PLCB4: variants seen among roughly 807,000 people sequenced by gnomAD.
The protein encoded by PLCB4 is 1-phosphatidylinositol 4,5-bisphosphate phosphodiesterase beta-4.
In PLCB4, 77 loss-of-function variants were observed where a neutral mutation model predicts 178.8. That is an observed-to-expected ratio of 0.43 (90% CI 0.36 to 0.52). The LOEUF (loss-of-function observed/expected upper bound fraction) is 0.52. PLCB4 is among the 20% of genes least tolerant of loss of function. The probability of loss-of-function intolerance (pLI) is 0.00; values close to 1 mark genes in which losing one functional copy is unlikely to be tolerated. For synonymous variants in PLCB4, 496 were observed against 490.8 expected, an observed-to-expected ratio of 1.01 and a Z score of -0.14; for missense variants, 1,024 against 1,453.4, an observed-to-expected ratio of 0.70 and a Z score of 4.80.
chr20:9,448,880 T>C (rs2042576868), intron 32 of PLCB4, among the ~76,000 whole-genome samples: 2 of 152,082 alleles, frequency 1.3e-5, no homozygotes. Context: ...AAAGGAACAG[T>C]GGGGTGAGTG....
intron 38 of PLCB4, among the ~76,000 whole-genome samples, chr20:9,474,862 C>G (rs1294620932): frequency 6.6e-6 from 1 of 152,170 alleles, no homozygotes; most frequent in African/African-American, 2.4e-5. Context: ...CAAGTCCACT[C>G]CAAGGGGACA....
At chr20:9,096,992 T>C (rs907968577) in intron 2 of PLCB4, among the ~76,000 whole-genome samples, 8 of 152,016 alleles carry the variant, frequency 5.3e-5, no homozygotes, top group African/African-American at 1.7e-4. Context: ...TGGAATGCAG[T>C]GGCGTGATCT....
At chr20:9,157,907 G>A (rs1382434631) in intron 2 of PLCB4, among the ~76,000 whole-genome samples, 1 of 152,140 alleles carries the variant, frequency 6.6e-6, no homozygotes. Context: ...ACTCTAGCCT[G>A]GGCAACAGAG....
intron 2 of PLCB4, among the ~76,000 whole-genome samples, chr20:9,112,303 C>T (rs992530841): frequency 2.0e-5 from 3 of 150,302 alleles, no homozygotes; most frequent in Admixed American, 6.6e-5. Flanking sequence ...TTGCCCAGGC[C>T]GCAGTACAGT....
chr20:9,208,603 G>A (rs963695878), intron 2 of PLCB4, among the ~76,000 whole-genome samples: 2 of 151,574 alleles, frequency 1.3e-5, no homozygotes, highest in East Asian at 1.9e-4. Flanking sequence ...GCAGTGGTAC[G>A]ATCACAGCTC....
At chr20:9,179,928 C>G (rs1161452957) in intron 2 of PLCB4, among the ~76,000 whole-genome samples, 1 of 152,138 alleles carries the variant, frequency 6.6e-6, no homozygotes. Context: ...CCATAAAATT[C>G]CTTCTCTGGT....
chr20:9,386,643 A>AT (rs2037687003), intron 14 of PLCB4, among the ~76,000 whole-genome samples: 1 of 151,972 alleles, frequency 6.6e-6, no homozygotes, highest in South Asian at 2.1e-4. Flanking sequence ...ATTAAAAGTA[A>AT]TTTTTTTAAT....
chr20:9,358,174 A>G (rs2035006491), intron 7 of PLCB4, among the ~76,000 whole-genome samples: 1 of 152,242 alleles, frequency 6.6e-6, no homozygotes, highest in Admixed American at 6.5e-5. Flanking sequence ...TCCCATCCTG[A>G]AGATTGATTC....
intron 37 of PLCB4, 94 bp downstream of exon 37, chr20:9,472,941 T>G (rs2044284551): frequency 2.8e-6 from 2 of 707,692 alleles, no homozygotes; most frequent in Non-Finnish European, 4.8e-6. Context: ...TTTGTTTAAT[T>G]TGATTTTTCT....
At chr20:9,411,464 G>T (rs1356100193) in intron 25 of PLCB4, among the ~76,000 whole-genome samples, 1 of 152,136 alleles carries the variant, frequency 6.6e-6, no homozygotes, top group Non-Finnish European at 1.5e-5. Flanking sequence ...ATCAAATAAT[G>T]AAGTTAATTT....
At chr20:9,124,513 A>G (rs1420216895) in intron 2 of PLCB4, among the ~76,000 whole-genome samples, 1 of 152,144 alleles carries the variant, frequency 6.6e-6, no homozygotes, top group Non-Finnish European at 1.5e-5. Flanking sequence ...GTAAAATCTT[A>G]TATTTTGTAA....
intron 3 of PLCB4, among the ~76,000 whole-genome samples, chr20:9,245,868 G>A (rs1183089674): frequency 2.6e-5 from 4 of 151,822 alleles, no homozygotes; most frequent in South Asian, 4.2e-4. Flanking sequence ...TCATGACCTC[G>A]TGATCCATCC....
intron 1 of PLCB4, among the ~76,000 whole-genome samples, chr20:9,075,955 G>A (rs1211314218): frequency 1.3e-5 from 2 of 152,180 alleles, no homozygotes; most frequent in Non-Finnish European, 2.9e-5. Flanking sequence ...ACTAGAACAT[G>A]TCAATAGTTT....
chr20:9,235,883 G>A (rs2093987755), intron 3 of PLCB4, among the ~76,000 whole-genome samples: 1 of 152,198 alleles, frequency 6.6e-6, no homozygotes, highest in Non-Finnish European at 1.5e-5. Context: ...AGGAAACTTA[G>A]CAGGCTGTGA....
rs2035472054 is a variant in PLCB4 at position 9,362,920 on chromosome 20, A to G, written c.394A>G (p.Ile132Val). The G allele has an allele frequency of 1.2e-6, 2 of 1,612,776 alleles. No homozygotes were observed. The highest frequency in any genetic ancestry group is 1.7e-5 in the Admixed American group (1 of 59,986). ...TKQWVEGLRS[I>V]IHNFRANNVS... ...GCAATGGGTAGAAGGCCTGAGATCAATCATACACAACTTCAGGGCCAACAA... is the reference window on the plus strand; with the variant it reads ...GCAATGGGTAGAAGGCCTGAGATCAGTCATACACAACTTCAGGGCCAACAA... The change falls in exon 8 of 40, where the codon ATC becomes GTC. Residue 132 changes from isoleucine (I) to valine (V), a missense_variant. Physicochemically the swap from Ile to Val is conservative, Grantham distance 29 (BLOSUM62 3). Around this residue, in one of 7 missense-constraint regions of PLCB4, gnomAD observed 225 missense variants for 291.0 expected, o/e 0.77. Coordinates refer to ENST00000378473, the MANE Select transcript of PLCB4 (RefSeq NM_001377142.1).
chr20:9,361,370 C>G (rs1301875181), intron 7 of PLCB4, among the ~76,000 whole-genome samples: 1 of 152,092 alleles, frequency 6.6e-6, no homozygotes, highest in Non-Finnish European at 1.5e-5. Context: ...GTGAAGAAAG[C>G]CAGTCACAAA....
intron 30 of PLCB4, among the ~76,000 whole-genome samples, chr20:9,442,862 A>G (rs1602760825): frequency 6.6e-6 from 1 of 152,180 alleles, no homozygotes; most frequent in Non-Finnish European, 1.5e-5. Context: ...TGACCACCCT[A>G]TCATTGAATG....
chr20:9,133,191 T>A (rs186252836), intron 2 of PLCB4, among the ~76,000 whole-genome samples: 39 of 152,304 alleles, frequency 2.6e-4, no homozygotes. Flanking sequence ...TTGCTTATGT[T>A]GTTCTCATAG....
chr20:9,446,612 C>G (rs2042428396), intron 32 of PLCB4, among the ~76,000 whole-genome samples: 1 of 152,296 alleles, frequency 6.6e-6, no homozygotes, highest in African/African-American at 2.4e-5. Context: ...GACATGGTGG[C>G]TCATGCATGT....
Sources: allele counts gnomAD v4.1 joint callset (sites outside exome capture counted in the v4.1 genomes callset), GRCh38; gene constraint gnomAD v4.1.1; regional missense constraint gnomAD v4.1.1; transcripts MANE v1.5; gene names NCBI Gene and HGNC (gene_info 2026-07-23, HGNC 2026-07-21).